Variants in VPS52 observed in about 807,000 individuals in gnomAD.
The protein encoded by VPS52 is vacuolar protein sorting-associated protein 52 homolog.
A neutral mutation model predicts 98.7 loss-of-function variants in VPS52; 56 were observed. That is an observed-to-expected ratio of 0.57 (90% CI 0.46 to 0.71). The LOEUF (loss-of-function observed/expected upper bound fraction) is 0.71. Ranked by LOEUF, VPS52 falls within the 30% of genes least tolerant of loss-of-function variation. VPS52 has a pLI of 0.00. For missense variants in VPS52, 742 were observed against 925.9 expected (o/e 0.80, Z 2.58); for synonymous variants, 348 against 346.4 (o/e 1.00, Z -0.05).
At chr6:33,269,666 C>T (rs1192019103) in intron 4 of VPS52, 78 bp downstream of exon 4, 3 of 1,570,176 alleles carry the variant, frequency 1.9e-6, no homozygotes, top group Non-Finnish European at 8.7e-7. Context: ...AGATGTTGAC[C>T]CCAGCTGGGA....
At chr6:33,270,324 G>A (rs1420008972) in intron 1 of VPS52, 41 bp from the exon 2 acceptor site, 2 of 1,553,618 alleles carry the variant, frequency 1.3e-6, no homozygotes, top group South Asian at 1.1e-5. Context: ...TACGGTGAAA[G>A]ACAGAAAGAA....
intron 17 of VPS52, among the ~76,000 whole-genome samples, chr6:33,258,872 G>A (rs1449775379): frequency 3.3e-5 from 5 of 152,016 alleles, no homozygotes; most frequent in Non-Finnish European, 5.9e-5. Context: ...GCCACAAGCC[G>A]ATTTTTAAAA....
intron 17 of VPS52, among the ~76,000 whole-genome samples, chr6:33,260,604 T>C (rs1042798156): frequency 1.2e-4 from 18 of 152,218 alleles, no homozygotes; most frequent in African/African-American, 4.1e-4. Flanking sequence ...GCATTTATTG[T>C]GTTCTTGCTT....
chr6:33,256,834 T>G (rs1763033102), intron 17 of VPS52, among the ~76,000 whole-genome samples: 1 of 138,074 alleles, frequency 7.2e-6, no homozygotes, highest in African/African-American at 2.7e-5. Flanking sequence ...AGAGTGAGAC[T>G]CTGTCTAAAA....
At chr6:33,258,794 C>T (rs1167810206) in intron 17 of VPS52, among the ~76,000 whole-genome samples, 1 of 152,158 alleles carries the variant, frequency 6.6e-6, no homozygotes, top group African/African-American at 2.4e-5. Context: ...TCTTGAATTA[C>T]TGGCCTCAAC....
chr6:33,271,917 C>T (rs1307598671), upstream of VPS52: 3 of 1,073,646 alleles, frequency 2.8e-6, no homozygotes, highest in African/African-American at 1.6e-5. Context: ...ATGAACCTTA[C>T]GAACTGTAAA....
intron 1 of VPS52, 89 bp downstream of exon 1, chr6:33,271,497 G>A (rs1765075578): frequency 6.5e-7 from 1 of 1,536,124 alleles, no homozygotes; most frequent in East Asian, 2.4e-5. Flanking sequence ...TAGCAGCCAA[G>A]TTCCCACCCT....
chr6:33,271,321 A>T (rs917754727), intron 1 of VPS52: 2 of 653,352 alleles, frequency 3.1e-6, no homozygotes, highest in African/African-American at 3.6e-5. Context: ...TTCAGAGGCC[A>T]TGTTCTTAAC....
In VPS52 at chr6:33,251,945, G is replaced by A. The variant is rs771245944; in HGVS notation, c.1821C>T (p.Pro607=). ...CAAATGCCACTAAACCCCCAAAAGG[G>A]GGAGACAGCAACTCTTCAATGAATT... ...TQEFIEELLS[P]PFGGLVAFVK... The change falls in exon 18 of 20, where the codon CCC becomes CCT. Residue 607 remains proline (P), a synonymous_variant. Transcript: ENST00000445902. 9 of 1,613,170 alleles carry A rather than the reference G, an allele frequency of 5.6e-6. No individual in the cohort carries two copies. The highest frequency in any genetic ancestry group is 7.6e-6 in the Non-Finnish European group (9 of 1,180,046).
chr6:33,268,994 C>T lies in VPS52; in HGVS notation c.548+20G>A, dbSNP rs768752401. On this transcript the variant is annotated intron_variant, in intron 6 of 19. Transcript: ENST00000445902. The surrounding 1 kb of genome is among the most constrained non-coding windows in gnomAD (Gnocchi z 4.0). ...ATCCACCTGCTATGGACATTATAAC[C>T]CTTCAAACTGGTAACTCACGTGACC... 1.2e-5 allele frequency: 19 copies of T among 1,610,984 alleles called. No homozygotes were observed. The highest frequency in any genetic ancestry group is 2.7e-5 in the African/African-American group (2 of 74,862).
At chr6:33,253,445 G>C (rs1188110624) in intron 17 of VPS52, among the ~76,000 whole-genome samples, 3 of 150,874 alleles carry the variant, frequency 2.0e-5, no homozygotes, top group East Asian at 3.9e-4. Flanking sequence ...TGCCAAGATC[G>C]GGCCATTGCA....
At chr6:33,270,710 GGAGGCC>G (rs1764924121) in intron 1 of VPS52, among the ~76,000 whole-genome samples, 1 of 152,144 alleles carries the variant, frequency 6.6e-6, no homozygotes. Context: ...CAGCACTTTG[GGAGGCC>G]GAGGTGGGAA....
At chr6:33,260,985 T>G (rs114576610) in intron 17 of VPS52, among the ~76,000 whole-genome samples, 173 of 150,564 alleles carry the variant, frequency 1.1e-3, no homozygotes, top group Admixed American at 1.9e-3. Context: ...GGAGTCAGAG[T>G]GAGACTCCGT....
chr6:33,258,180 G>A (rs183523371), intron 17 of VPS52, among the ~76,000 whole-genome samples: 10 of 152,174 alleles, frequency 6.6e-5, no homozygotes, highest in Admixed American at 3.9e-4. Flanking sequence ...CTGAGGTCAG[G>A]CGTTCAAGAC....
intron 11 of VPS52, 107 bp from the exon 12 acceptor site, chr6:33,266,819 A>G: frequency 7.2e-7 from 1 of 1,397,788 alleles, no homozygotes; most frequent in South Asian, 1.4e-5. Context: ...AGAGCTAGGC[A>G]GACCCTTCGC....
At chr6:33,265,965 C>T (rs1160353573) in intron 12 of VPS52, among the ~76,000 whole-genome samples, 2 of 152,036 alleles carry the variant, frequency 1.3e-5, no homozygotes, top group Non-Finnish European at 2.9e-5. Flanking sequence ...CTCCCAGGTT[C>T]AAGCAATCCT....
At chr6:33,266,013 G>A (rs553689468) in intron 12 of VPS52, among the ~76,000 whole-genome samples, 1 of 151,524 alleles carries the variant, frequency 6.6e-6, no homozygotes, top group African/African-American at 2.4e-5. Flanking sequence ...ATTACAGGCC[G>A]CGCACACCTG....
intron 17 of VPS52, among the ~76,000 whole-genome samples, chr6:33,257,905 C>G (rs1037416065): frequency 5.3e-5 from 8 of 152,034 alleles, no homozygotes; most frequent in Non-Finnish European, 1.2e-4. Context: ...GTCCTAGTTA[C>G]TTGGGAGGCT....
chr6:33,269,218 G>A, intron 5 of VPS52, 29 bp from the exon 6 acceptor site: 1 of 1,611,486 alleles, frequency 6.2e-7, no homozygotes, highest in South Asian at 1.1e-5. Context: ...TTGCCGGAGT[G>A]CTATAGGGTT....
Sources: gnomAD v4.1 joint callset for allele counts (sites outside exome capture counted in the v4.1 genomes callset) on GRCh38, gnomAD v4.1.1 for gene constraint, Gnocchi (gnomAD v3.1) non-coding constraint, MANE v1.5 for transcripts, NCBI Gene and HGNC (gene_info 2026-07-23, HGNC 2026-07-21) for gene names.